The following MRPS28 variants were observed in gnomAD, a reference collection of about 807,000 sequenced individuals.
The protein encoded by MRPS28 is mitochondrial ribosomal protein S28, also known as small ribosomal subunit protein bS1m.
A neutral mutation model predicts 10.8 loss-of-function variants in MRPS28; 7 were observed. The ratio of observed to expected loss-of-function variants is 0.65; its 90% CI spans 0.37 to 1.22. MRPS28 has a LOEUF of 1.22. MRPS28 is among the 50% of genes most tolerant of loss of function. MRPS28 has a pLI of 0.02. For synonymous variants in MRPS28, 121 were observed against 93.3 expected (o/e 1.30, Z -1.71); for missense variants, 265 against 232.9 (o/e 1.14, Z -0.90).
chr8:79,986,858 A>G (rs1808196730), intron 2 of MRPS28, among the ~76,000 whole-genome samples: 1 of 152,218 alleles, frequency 6.6e-6, no homozygotes, highest in South Asian at 2.1e-4. Flanking sequence ...GCCCAAGGTA[A>G]TTTATAGATT....
chr8:79,977,735 T>C (rs1355942062), intron 2 of MRPS28, among the ~76,000 whole-genome samples: 1 of 152,036 alleles, frequency 6.6e-6, no homozygotes, highest in African/African-American at 2.4e-5. Flanking sequence ...GAGGATTGCT[T>C]GAACCCGGGA....
intron 2 of MRPS28, among the ~76,000 whole-genome samples, chr8:79,920,525 C>T (rs992222337): frequency 1.6e-4 from 25 of 152,190 alleles, no homozygotes; most frequent in African/African-American, 6.0e-4. Flanking sequence ...TTTTGATTTG[C>T]ATTTCTCTGA....
chr8:79,962,700 A>G (rs969211983), intron 2 of MRPS28, among the ~76,000 whole-genome samples: 4 of 152,144 alleles, frequency 2.6e-5, no homozygotes, highest in African/African-American at 9.7e-5. Flanking sequence ...GAAATAATGA[A>G]TTGCGGCAGT....
chr8:80,014,739 A>G (rs748825619), intron 1 of MRPS28, among the ~76,000 whole-genome samples: 1 of 152,158 alleles, frequency 6.6e-6, no homozygotes, highest in Admixed American at 6.5e-5. Flanking sequence ...TTAAAAATTA[A>G]TTTCTTATAG....
intron 2 of MRPS28, among the ~76,000 whole-genome samples, chr8:79,944,828 G>A (rs1163829150): frequency 6.6e-6 from 1 of 151,408 alleles, no homozygotes; most frequent in Non-Finnish European, 1.5e-5. Context: ...TGAGTAGCTG[G>A]GACCACAGGT....
intron 2 of MRPS28, among the ~76,000 whole-genome samples, chr8:79,995,243 T>C (rs1455339763): frequency 6.6e-6 from 1 of 152,194 alleles, no homozygotes; most frequent in Non-Finnish European, 1.5e-5. Context: ...AAAAATCTTA[T>C]CATGCCCAGT....
intron 2 of MRPS28, among the ~76,000 whole-genome samples, chr8:79,934,941 A>T (rs1207469296): frequency 6.6e-6 from 1 of 152,244 alleles, no homozygotes; most frequent in Non-Finnish European, 1.5e-5. Flanking sequence ...GTTGAATTAC[A>T]TTAAATAAAT....
intron 2 of MRPS28, among the ~76,000 whole-genome samples, chr8:79,949,873 T>A (rs1807037007): frequency 6.6e-6 from 1 of 152,202 alleles, no homozygotes. Context: ...GTCTTCTATA[T>A]CCCTTTCCTC....
chr8:79,983,609 G>A (rs1229919336), intron 2 of MRPS28, among the ~76,000 whole-genome samples: 4 of 152,334 alleles, frequency 2.6e-5, no homozygotes, highest in Admixed American at 1.3e-4. Flanking sequence ...GCCAAGGCTC[G>A]AGAACTACGT....
At chr8:80,009,272 G>T (rs939813920) in intron 1 of MRPS28, among the ~76,000 whole-genome samples, 7 of 152,174 alleles carry the variant, frequency 4.6e-5, no homozygotes, top group African/African-American at 1.7e-4. Flanking sequence ...AGCAGGGCTT[G>T]CTGTGGGGTG....
chr8:79,999,761 C>T (rs553372022), intron 2 of MRPS28, among the ~76,000 whole-genome samples: 1 of 152,090 alleles, frequency 6.6e-6, no homozygotes, highest in Non-Finnish European at 1.5e-5. Flanking sequence ...TAAACCTTGG[C>T]TGAAGATTGG....
At chr8:79,997,679 A>G (rs1373359771) in intron 2 of MRPS28, among the ~76,000 whole-genome samples, 1 of 152,178 alleles carries the variant, frequency 6.6e-6, no homozygotes, top group Non-Finnish European at 1.5e-5. Context: ...AGCATTCATA[A>G]GAACAAAAAC....
At chr8:79,981,956 A>C (rs750702500) in intron 2 of MRPS28, among the ~76,000 whole-genome samples, 7 of 152,198 alleles carry the variant, frequency 4.6e-5, no homozygotes, top group Non-Finnish European at 7.3e-5. Flanking sequence ...TCCAAAGTTA[A>C]GGCTCTGGGC....
intron 1 of MRPS28, among the ~76,000 whole-genome samples, chr8:80,019,247 T>C (rs541352733): frequency 6.6e-6 from 1 of 150,592 alleles, no homozygotes; most frequent in African/African-American, 2.4e-5. Flanking sequence ...ATGGATACTC[T>C]ATTTACTATG....
chr8:79,976,019 C>G (rs574770673), intron 2 of MRPS28, among the ~76,000 whole-genome samples: 6 of 151,786 alleles, frequency 4.0e-5, no homozygotes, highest in Non-Finnish European at 7.4e-5. Context: ...TTTGGGAAGG[C>G]GGGGGAAGAC....
intron 2 of MRPS28, among the ~76,000 whole-genome samples, chr8:79,956,042 C>T (rs1011872759): frequency 6.6e-6 from 1 of 152,134 alleles, no homozygotes; most frequent in African/African-American, 2.4e-5. Context: ...TTAGTTTCCT[C>T]ATCTAAAAAA....
At chr8:79,929,144 A>C (rs1806388189) in intron 2 of MRPS28, among the ~76,000 whole-genome samples, 2 of 152,224 alleles carry the variant, frequency 1.3e-5, no homozygotes, top group African/African-American at 4.8e-5. Context: ...AAATTCTGTT[A>C]AATTAAAAAT....
Position 79,932,563 on chromosome 8 carries a change from G to A in MRPS28, c.396-13415C>T, listed in dbSNP as rs149001140. 1.5e-3 allele frequency among the ~76,000 whole-genome samples: 236 copies of A among 152,274 alleles called. 1 individual carries two copies. The highest frequency in any genetic ancestry group is 5.4e-3 in the African/African-American group (225 of 41,562). ...TAAGGCTTCATACACCAAAGTAAAC[G>A]GTTTGGGGTTTCTTTTAGGTGCTCT... On this transcript the variant is annotated intron_variant, in intron 2 of 2. Coordinates refer to ENST00000276585, the MANE Select transcript of MRPS28 (RefSeq NM_014018.3).
intron 2 of MRPS28, among the ~76,000 whole-genome samples, chr8:79,987,753 C>T (rs1808232830): frequency 6.6e-6 from 1 of 152,120 alleles, no homozygotes; most frequent in African/African-American, 2.4e-5. Context: ...GTTAGAATGG[C>T]AATCATTAAA....
Sources: gnomAD v4.1 joint callset for allele counts (sites outside exome capture counted in the v4.1 genomes callset) on GRCh38, gnomAD v4.1.1 for gene constraint, MANE v1.5 for transcripts, NCBI Gene and HGNC (gene_info 2026-07-23, HGNC 2026-07-21) for gene names.